The following EFCAB11 variants were observed in gnomAD, a reference collection of about 807,000 sequenced individuals.
EFCAB11 encodes the protein EF-hand calcium binding domain 11.
Under a neutral mutation model 23.0 loss-of-function variants are expected in EFCAB11, and 14 were observed. That is an observed-to-expected ratio of 0.61 (90% CI 0.40 to 0.95). The LOEUF is 0.95. Among genes scored for constraint, EFCAB11 ranks in the 40% least tolerant of loss-of-function variants. EFCAB11 has a pLI of 0.00. For synonymous variants in EFCAB11, 65 were observed against 66.6 expected, an observed-to-expected ratio of 0.98 and a Z score of 0.11; for missense variants, 198 against 195.8, an observed-to-expected ratio of 1.01 and a Z score of -0.07.
intron 5 of EFCAB11, chr14:89,924,423 A>G (rs1026006899): frequency 2.0e-5 from 27 of 1,334,950 alleles, no homozygotes; most frequent in Admixed American, 3.3e-5. Flanking sequence ...GCACATTCAC[A>G]TTTCATCTCA....
intron 3 of EFCAB11, among the ~76,000 whole-genome samples, chr14:89,935,849 A>C (rs1465112391): frequency 6.6e-6 from 1 of 152,212 alleles, no homozygotes; most frequent in Admixed American, 6.5e-5. Flanking sequence ...CTCCACTAAA[A>C]ATACAAAAAT....
intron 5 of EFCAB11, among the ~76,000 whole-genome samples, chr14:89,797,559 G>A (rs1826566900): frequency 6.6e-6 from 1 of 151,464 alleles, no homozygotes; most frequent in Admixed American, 6.6e-5. Flanking sequence ...AAGAGATGAA[G>A]CCAAATACAC....
rs1885596628 is a variant in EFCAB11, at chr14:89,797,020, A to G, written c.*223T>C. On this transcript the variant is annotated 3_prime_UTR_variant, in exon 6 of 6. Coordinates refer to ENST00000316738, the MANE Select transcript of EFCAB11 (RefSeq NM_145231.4). ...TCATCAGCATCCAAAAATTATGATT[A>G]AAAATTTAGTCAATTACTTATTGCA... 3.7e-6 allele frequency: 1 copy of G among 270,142 alleles called. No individual in the cohort carries two copies. Among genetic ancestry groups the G allele is most frequent in the South Asian group, 1.1e-4 (1 of 9,344 alleles). 16.7% of individuals were successfully genotyped at this position (270,142 alleles called of 1,614,324 possible).
intron 5 of EFCAB11, among the ~76,000 whole-genome samples, chr14:89,899,363 A>G (rs929753772): frequency 3.9e-5 from 6 of 152,230 alleles, no homozygotes; most frequent in African/African-American, 1.2e-4. Context: ...TAGGCAGAAA[A>G]TCACCAGGGA....
chr14:89,858,122 G>A (rs1298074182), intron 5 of EFCAB11, among the ~76,000 whole-genome samples: 9 of 152,124 alleles, frequency 5.9e-5, no homozygotes, highest in East Asian at 1.9e-4. Flanking sequence ...TCCCCTAAAC[G>A]TGGGCAATGG....
intron 5 of EFCAB11, among the ~76,000 whole-genome samples, chr14:89,814,030 C>A (rs1009238476): frequency 1.6e-4 from 25 of 151,684 alleles, no homozygotes; most frequent in African/African-American, 5.6e-4. Flanking sequence ...ATAAATATAT[C>A]CCCATATGGA....
chr14:89,825,102 CAAA>C (rs35074143), intron 5 of EFCAB11, among the ~76,000 whole-genome samples: 3 of 60,220 alleles, frequency 5.0e-5, no homozygotes, highest in Admixed American at 1.9e-4. Flanking sequence ...ATGCTGGGAC[CAAA>C]AAAAAAAAAA....
chr14:89,931,264 T>C (rs1890379162), intron 5 of EFCAB11: 1 of 364,328 alleles, frequency 2.7e-6, no homozygotes, highest in South Asian at 6.5e-5. Context: ...CTGAAGAAGT[T>C]CTTTCTTCCT....
intron 5 of EFCAB11, chr14:89,830,993 A>G (rs563319697): frequency 6.6e-6 from 1 of 152,316 alleles, no homozygotes; most frequent in Non-Finnish European, 1.5e-5. Context: ...TACATTTTAC[A>G]AGGATCATTG....
intron 5 of EFCAB11, chr14:89,892,583 TAGAGTCA>T (rs1332269197): frequency 2.1e-5 from 15 of 731,468 alleles, no homozygotes; most frequent in Non-Finnish European, 2.9e-5. Flanking sequence ...TCCTGGATTT[TAGAGTCA>T]AGGGTTTCTA....
intron 5 of EFCAB11, among the ~76,000 whole-genome samples, chr14:89,822,928 A>T (rs1047474457): frequency 1.5e-4 from 23 of 152,218 alleles, no homozygotes; most frequent in Admixed American, 9.8e-4. Flanking sequence ...GCCAGAATAC[A>T]TCGCAATACT....
chr14:89,887,075 T>A (rs916541026), intron 5 of EFCAB11, among the ~76,000 whole-genome samples: 4 of 152,226 alleles, frequency 2.6e-5, no homozygotes, highest in African/African-American at 9.7e-5. Flanking sequence ...ACAAGTGCTC[T>A]GAACTAACCT....
At chr14:89,827,860 C>T (rs890308621) in intron 5 of EFCAB11, among the ~76,000 whole-genome samples, 2 of 152,026 alleles carry the variant, frequency 1.3e-5, no homozygotes, top group South Asian at 2.1e-4. Context: ...CTCGAACTCC[C>T]GACCTCAGGT....
chr14:89,932,319 T>C (rs17188368), intron 4 of EFCAB11, among the ~76,000 whole-genome samples: 7,521 of 152,244 alleles, frequency 0.049, 261 homozygotes, highest in Middle Eastern at 0.12. Flanking sequence ...TACAACTATA[T>C]AACTGTAAAT....
rs1888997267 is a variant in EFCAB11, at chr14:89,892,306, C to G, written c.410+39235G>C. 2.5e-6 allele frequency: 4 copies of G among 1,613,888 alleles called. No homozygotes were observed. In the Admixed American group the frequency reaches 6.7e-5, roughly 27 times the overall value. On this transcript the variant is annotated intron_variant, in intron 5 of 5. Coordinates refer to ENST00000316738, the MANE Select transcript of EFCAB11 (RefSeq NM_145231.4). Reference sequence around the variant, plus strand: ...ATGTGGACCTGGCCTTTGACGCCCTCACTGATGCTATCCAGCAGGCCCTGC... The same window carrying G: ...ATGTGGACCTGGCCTTTGACGCCCTGACTGATGCTATCCAGCAGGCCCTGC...
Position 89,932,514 on chromosome 14 carries a change from A to C in EFCAB11, c.319+12T>G. ...AATTTTTTTTACATCAAAACACTTT[A>C]GAGACACTTACAGTAGGTGTCAAAG... On this transcript the variant is annotated intron_variant, in intron 4 of 5. Coordinates refer to ENST00000316738, the MANE Select transcript of EFCAB11 (RefSeq NM_145231.4). 5 of 1,607,426 alleles carry C rather than the reference A, an allele frequency of 3.1e-6. No homozygotes were observed. Among genetic ancestry groups the C allele is most frequent in the African/African-American group, 1.3e-5 (1 of 74,802 alleles).
intron 5 of EFCAB11, among the ~76,000 whole-genome samples, chr14:89,927,791 G>T (rs913815787): frequency 6.6e-6 from 1 of 151,532 alleles, no homozygotes; most frequent in African/African-American, 2.4e-5. Flanking sequence ...GCACGATCTC[G>T]GCTCACTACA....
At chr14:89,876,318 G>T (rs1417115059) in intron 5 of EFCAB11, among the ~76,000 whole-genome samples, 2 of 152,130 alleles carry the variant, frequency 1.3e-5, no homozygotes, top group Non-Finnish European at 2.9e-5. Context: ...GCTGTATTTA[G>T]ATCACATCCT....
intron 3 of EFCAB11, among the ~76,000 whole-genome samples, chr14:89,942,903 A>G (rs1207287407): frequency 3.3e-5 from 5 of 152,300 alleles, no homozygotes; most frequent in Admixed American, 3.3e-4. Context: ...CTACTTTTCA[A>G]GAGGATTCGA....
Sources: allele counts gnomAD v4.1 joint callset (sites outside exome capture counted in the v4.1 genomes callset), GRCh38; gene constraint gnomAD v4.1.1; transcripts MANE v1.5; gene names NCBI Gene and HGNC (gene_info 2026-07-23, HGNC 2026-07-21).